COL25A1: variants seen among roughly 807,000 people sequenced by gnomAD.
The protein encoded by COL25A1 is collagen type XXV alpha 1 chain.
In COL25A1, 103 loss-of-function variants were observed where a neutral mutation model predicts 128.4. The observed-to-expected ratio is 0.80, with a 90% CI of 0.68 to 0.94. The LOEUF is 0.94. Among genes scored for constraint, COL25A1 ranks in the 40% least tolerant of loss-of-function variants. The pLI is 0.00. For synonymous variants in COL25A1, 279 were observed against 277.2 expected (o/e 1.01, Z -0.06); for missense variants, 745 against 840.0 (o/e 0.89, Z 1.40).
At chr4:109,205,095 T>C (rs189378741) in intron 3 of COL25A1, among the ~76,000 whole-genome samples, 3 of 152,304 alleles carry the variant, frequency 2.0e-5, no homozygotes, top group Admixed American at 2.0e-4. Flanking sequence ...ATTATCGTAA[T>C]GGTTCAGCTA....
intron 6 of COL25A1, among the ~76,000 whole-genome samples, chr4:109,005,213 CAA>C (rs1175686664): frequency 1.3e-5 from 2 of 152,086 alleles, no homozygotes; most frequent in Non-Finnish European, 1.5e-5. Context: ...AGAGCAGCAG[CAA>C]GAGAGAGGTG....
At chr4:109,282,187 T>C (rs192374052) in intron 3 of COL25A1, among the ~76,000 whole-genome samples, 21 of 151,690 alleles carry the variant, frequency 1.4e-4, no homozygotes, top group African/African-American at 5.1e-4. Context: ...ACATTCATAC[T>C]AAGCAATTTT....
chr4:108,919,272 T>C (rs1745218595), intron 12 of COL25A1, among the ~76,000 whole-genome samples: 1 of 152,192 alleles, frequency 6.6e-6, no homozygotes, highest in South Asian at 2.1e-4. Context: ...AGTTCCTTAG[T>C]GCATTCAGTG....
At chr4:108,835,539 T>A (rs919813371) in intron 31 of COL25A1, among the ~76,000 whole-genome samples, 4 of 151,948 alleles carry the variant, frequency 2.6e-5, no homozygotes, top group African/African-American at 7.3e-5. Context: ...AGCCATACTA[T>A]AACTGCAAAA....
intron 3 of COL25A1, among the ~76,000 whole-genome samples, chr4:109,123,864 T>C (rs1181848929): frequency 6.6e-6 from 1 of 152,028 alleles, no homozygotes; most frequent in Non-Finnish European, 1.5e-5. Flanking sequence ...CCCCTGTATC[T>C]CCCTGATCCT....
intron 3 of COL25A1, among the ~76,000 whole-genome samples, chr4:109,272,904 G>A (rs1782293382): frequency 6.6e-6 from 1 of 152,132 alleles, no homozygotes; most frequent in Non-Finnish European, 1.5e-5. Context: ...CTCCATGGCT[G>A]GGTATTAAGT....
chr4:108,940,983 C>A (rs180681228), intron 9 of COL25A1, among the ~76,000 whole-genome samples: 1 of 152,282 alleles, frequency 6.6e-6, no homozygotes, highest in African/African-American at 2.4e-5. Flanking sequence ...GTTACATTCA[C>A]CTCATTTAAT....
chr4:109,193,583 C>A (rs1361275731), intron 3 of COL25A1, among the ~76,000 whole-genome samples: 2 of 152,148 alleles, frequency 1.3e-5, no homozygotes, highest in Non-Finnish European at 2.9e-5. Context: ...ACCACAAAAA[C>A]CATCTGGTTT....
At chr4:109,054,348 G>A (rs1761264484) in intron 3 of COL25A1, among the ~76,000 whole-genome samples, 1 of 152,118 alleles carries the variant, frequency 6.6e-6, no homozygotes, top group Non-Finnish European at 1.5e-5. Context: ...ATTTTAATCT[G>A]CTATCTGGTA....
intron 3 of COL25A1, among the ~76,000 whole-genome samples, chr4:109,173,055 G>T (rs1773735603): frequency 6.6e-6 from 1 of 152,046 alleles, no homozygotes; most frequent in African/African-American, 2.4e-5. Flanking sequence ...TCTTACAATT[G>T]GACATTATAG....
chr4:109,035,835 C>A (rs711866), intron 5 of COL25A1, among the ~76,000 whole-genome samples: 74,619 of 151,836 alleles, frequency 0.49, 20,072 homozygotes, highest in African/African-American at 0.69. Flanking sequence ...AAAATTGCCA[C>A]CAGTTTGTTT....
At chr4:109,262,893 G>A (rs1329630945) in intron 3 of COL25A1, among the ~76,000 whole-genome samples, 1 of 152,120 alleles carries the variant, frequency 6.6e-6, no homozygotes, top group Non-Finnish European at 1.5e-5. Flanking sequence ...ACTTTGGGAG[G>A]CCGAGGTGGG....
intron 8 of COL25A1, among the ~76,000 whole-genome samples, chr4:108,943,951 G>A (rs532655379): frequency 6.6e-6 from 1 of 151,986 alleles, no homozygotes; most frequent in African/African-American, 2.4e-5. Flanking sequence ...GGAAAGCCCA[G>A]GAAATTTCTA....
chr4:109,052,261 A>C (rs1163991638), intron 3 of COL25A1, among the ~76,000 whole-genome samples: 1 of 152,190 alleles, frequency 6.6e-6, no homozygotes, highest in Non-Finnish European at 1.5e-5. Flanking sequence ...TCAAAAACCA[A>C]AATATAAATA....
intron 3 of COL25A1, among the ~76,000 whole-genome samples, chr4:109,248,211 CT>C (rs1325216856): frequency 6.6e-6 from 1 of 151,874 alleles, no homozygotes; most frequent in Non-Finnish European, 1.5e-5. Flanking sequence ...AATTTGAAAC[CT>C]TTTATTCTTC....
At chr4:109,106,354 C>A (rs541915434) in intron 3 of COL25A1, among the ~76,000 whole-genome samples, 4 of 152,218 alleles carry the variant, frequency 2.6e-5, no homozygotes, top group Admixed American at 1.3e-4. Context: ...AAAATCAGTA[C>A]GTTGGCATTT....
chr4:109,216,882 T>C (rs937280082), intron 3 of COL25A1, among the ~76,000 whole-genome samples: 2 of 152,156 alleles, frequency 1.3e-5, no homozygotes, highest in African/African-American at 2.4e-5. Context: ...TGGAAGATTG[T>C]AGAAAGACAA....
intron 3 of COL25A1, among the ~76,000 whole-genome samples, chr4:109,167,387 G>A (rs1274392303): frequency 6.6e-6 from 1 of 152,064 alleles, no homozygotes; most frequent in Non-Finnish European, 1.5e-5. Flanking sequence ...AATTCCACGT[G>A]TGTAATACAA....
chr4:109,291,121 G>A (rs1724431374), intron 3 of COL25A1, among the ~76,000 whole-genome samples: 1 of 152,110 alleles, frequency 6.6e-6, no homozygotes, highest in Non-Finnish European at 1.5e-5. Context: ...AGTGACGAAG[G>A]TGCTTCACTT....
Sources: gnomAD v4.1 joint callset for allele counts (sites outside exome capture counted in the v4.1 genomes callset) on GRCh38, gnomAD v4.1.1 for gene constraint, MANE v1.5 for transcripts, NCBI Gene and HGNC (gene_info 2026-07-23, HGNC 2026-07-21) for gene names.